Variants in TRHDE observed in about 807,000 individuals in gnomAD.
TRHDE encodes thyrotropin-releasing hormone-degrading ectoenzyme.
TRHDE carries 72 observed loss-of-function variants against 125.7 expected under a neutral mutation model. That is an observed-to-expected ratio of 0.57 (90% CI 0.47 to 0.70). The LOEUF is 0.70. Ranked by LOEUF, TRHDE falls within the 30% of genes least tolerant of loss-of-function variation. The probability of loss-of-function intolerance (pLI) is 0.00; values close to 1 mark genes in which losing one functional copy is unlikely to be tolerated. For missense variants in TRHDE, 1,110 were observed against 1,327.1 expected, an observed-to-expected ratio of 0.84 and a Z score of 2.54; for synonymous variants, 509 against 509.1, an observed-to-expected ratio of 1.00 and a Z score of 0.00.
At chr12:72,373,550 G>T (rs1186450824) in intron 2 of TRHDE, among the ~76,000 whole-genome samples, 1 of 152,150 alleles carries the variant, frequency 6.6e-6, no homozygotes, top group African/African-American at 2.4e-5. Flanking sequence ...ATGGTAGCAA[G>T]AAGCAAAATG....
intron 3 of TRHDE, among the ~76,000 whole-genome samples, chr12:72,404,974 A>G (rs891624683): frequency 3.9e-5 from 6 of 152,232 alleles, no homozygotes; most frequent in African/African-American, 1.4e-4. Context: ...AACAGTAGCT[A>G]TGGATTAGCT....
chr12:72,477,455 A>C (rs536609570), intron 5 of TRHDE, among the ~76,000 whole-genome samples: 2 of 152,320 alleles, frequency 1.3e-5, no homozygotes, highest in South Asian at 4.1e-4. Flanking sequence ...TGTCAAGATC[A>C]TTAGAAACGA....
intron 2 of TRHDE, among the ~76,000 whole-genome samples, chr12:72,183,672 C>T (rs1413352099): frequency 3.3e-5 from 5 of 152,080 alleles, no homozygotes; most frequent in Admixed American, 6.6e-5. Flanking sequence ...GAGATGAGGG[C>T]TTCTTCATGC....
At position 72,666,987 on chromosome 12, in the gene TRHDE, CAGAT is replaced by C. The variant is rs1875135264; in HGVS notation, c.*3793_*3796del. On this transcript the variant is annotated 3_prime_UTR_variant, in exon 19 of 19. Transcript: ENST00000261180. ...ATCTGACAAATTCTGTCTATAGTAA[CAGAT>C]GGTCAGAATGCAGATAAATTGTGTG... 6.6e-6 allele frequency: 1 copy of C among 152,016 alleles called. No homozygotes were observed. The highest frequency in any genetic ancestry group is 1.9e-4 in the East Asian group (1 of 5,150). The allele number at this position is 152,016 out of a possible 1,614,324, so 9.4% of individuals were successfully genotyped here.
intron 9 of TRHDE, among the ~76,000 whole-genome samples, chr12:72,563,277 T>C (rs1870270951): frequency 3.9e-5 from 6 of 152,172 alleles, no homozygotes; most frequent in Admixed American, 3.3e-4. Context: ...TTTTAAATAA[T>C]CATGGTGGTT....
chr12:72,392,194 A>T (rs1872635555), intron 3 of TRHDE, among the ~76,000 whole-genome samples: 1 of 152,178 alleles, frequency 6.6e-6, no homozygotes. Context: ...TTAAGCCACC[A>T]GGTCTATGGT....
chr12:72,110,248 C>T (rs142230591), intron 2 of TRHDE, among the ~76,000 whole-genome samples: 291 of 152,092 alleles, frequency 1.9e-3, no homozygotes, highest in Non-Finnish European at 3.6e-3. Context: ...TTACTCCAAG[C>T]GAGGTCATGT....
At chr12:72,632,135 G>A (rs1400921143) in intron 15 of TRHDE, among the ~76,000 whole-genome samples, 1 of 151,968 alleles carries the variant, frequency 6.6e-6, no homozygotes, top group Non-Finnish European at 1.5e-5. Flanking sequence ...CCTGGGTCGT[G>A]ATTTGAATGA....
At chr12:72,509,997 T>C (rs947736203) in intron 6 of TRHDE, among the ~76,000 whole-genome samples, 7 of 152,176 alleles carry the variant, frequency 4.6e-5, no homozygotes, top group Admixed American at 6.5e-5. Flanking sequence ...GAAAGAAAGA[T>C]TGTGTTGCCC....
At chr12:72,188,992 C>A (rs1315925418) in intron 2 of TRHDE, among the ~76,000 whole-genome samples, 1 of 152,190 alleles carries the variant, frequency 6.6e-6, no homozygotes, top group African/African-American at 2.4e-5. Context: ...TATTCCTACT[C>A]ATTTTCTGTC....
intron 2 of TRHDE, among the ~76,000 whole-genome samples, chr12:72,317,085 A>AG (rs1462916876): frequency 1.1e-4 from 16 of 152,322 alleles, no homozygotes; most frequent in Admixed American, 5.2e-4. Flanking sequence ...AACAATTCTG[A>AG]GGGTATCATA....
chr12:72,591,106 C>G (rs1351998740), intron 12 of TRHDE, among the ~76,000 whole-genome samples: 5 of 152,142 alleles, frequency 3.3e-5, no homozygotes, highest in Admixed American at 6.5e-5. Flanking sequence ...AGGGAAGCTG[C>G]TCTTTTTAAA....
chr12:72,309,314 A>T (rs574869332), intron 2 of TRHDE, among the ~76,000 whole-genome samples: 1 of 152,292 alleles, frequency 6.6e-6, no homozygotes, highest in East Asian at 1.9e-4. Flanking sequence ...TGAGAAAGAG[A>T]GGTAGTCAGA....
intron 7 of TRHDE, among the ~76,000 whole-genome samples, chr12:72,542,683 A>G: frequency 6.6e-6 from 1 of 151,368 alleles, no homozygotes; most frequent in Admixed American, 6.6e-5. Flanking sequence ...GATTCAAATA[A>G]GGTGAAACAA....
intron 2 of TRHDE, among the ~76,000 whole-genome samples, chr12:72,253,256 A>G (rs1486556597): frequency 2.0e-5 from 3 of 152,026 alleles, no homozygotes; most frequent in Non-Finnish European, 4.4e-5. Flanking sequence ...TCGGAATTTT[A>G]TTTTTGTATA....
Position 72,653,075 on chromosome 12 carries a change from T to A in TRHDE, c.2903T>A (p.Ile968Lys). Residue 968 changes from isoleucine (I) to lysine (K), a missense_variant, in exon 17 of 19, where the codon ATA becomes AAA. Ile to Lys is a moderately radical substitution (Grantham distance 102). Coordinates refer to ENST00000261180, the MANE Select transcript of TRHDE (RefSeq NM_013381.3). Reference sequence around the variant, plus strand: ...CTGGATCAAGATGCAATTGATGTCATAATCCATGTAGCTCGAAATCCACAT... The same window carrying A: ...CTGGATCAAGATGCAATTGATGTCAAAATCCATGTAGCTCGAAATCCACAT... ...VVLDQDAIDV[I>K]IHVARNPHGR... is the part of the protein sequence containing the mutation. 1 of 1,608,896 alleles carries A rather than the reference T, an allele frequency of 6.2e-7. No homozygotes were observed.
At chr12:72,593,333 A>G (rs1871776064) in intron 12 of TRHDE, among the ~76,000 whole-genome samples, 1 of 152,176 alleles carries the variant, frequency 6.6e-6, no homozygotes, top group South Asian at 2.1e-4. Flanking sequence ...CTTTCAATCT[A>G]TTATTAAATG....
chr12:72,621,444 C>A, intron 14 of TRHDE, 200 bp from the exon 15 acceptor site: 1 of 589,082 alleles, frequency 1.7e-6, no homozygotes. Context: ...ATATTGAGAT[C>A]AGAACCCATG....
Position 72,589,102 on chromosome 12 carries a change from A to G in TRHDE, c.2321+13560A>G, listed in dbSNP as rs986455306. Among the ~76,000 whole-genome samples the G allele has an allele frequency of 8.5e-5, 13 of 152,150 alleles. 1 individual carries two copies. The highest frequency in any genetic ancestry group is 7.2e-4 in the Admixed American group (11 of 15,280). The stretch of plus-strand genomic sequence containing the variant: ...ATTCGGGTGGGGACACAGCAAAACG[A>G]TATCACCTGGTAAGGATCAAGAGAT... On this transcript the variant is annotated intron_variant, in intron 12 of 18. Transcript: ENST00000261180.
Sources: allele counts gnomAD v4.1 joint callset (sites outside exome capture counted in the v4.1 genomes callset), GRCh38; gene constraint gnomAD v4.1.1; transcripts MANE v1.5; gene names NCBI Gene and HGNC (gene_info 2026-07-23, HGNC 2026-07-21).